Variants in DYNC2I1 observed in about 807,000 individuals in gnomAD.
The protein encoded by DYNC2I1 is dynein 2 intermediate chain 1, also known as cytoplasmic dynein 2 intermediate chain 1.
In DYNC2I1, 89 loss-of-function variants were observed where a neutral mutation model predicts 133.4. The observed-to-expected ratio is 0.67, with a 90% CI of 0.56 to 0.80. The LOEUF (loss-of-function observed/expected upper bound fraction) is 0.80. Among genes scored for constraint, DYNC2I1 ranks in the 30% least tolerant of loss-of-function variants. The pLI is 0.00. For missense variants in DYNC2I1, 1,291 were observed against 1,314.5 expected, an observed-to-expected ratio of 0.98 and a Z score of 0.28; for synonymous variants, 504 against 484.3, an observed-to-expected ratio of 1.04 and a Z score of -0.54.
chr7:158,922,679 C>G, intron 16 of DYNC2I1, 130 bp downstream of exon 16: 1 of 866,070 alleles, frequency 1.2e-6, no homozygotes, highest in Non-Finnish European at 1.7e-6. Context: ...ATGGGCCATT[C>G]TCTGTCTCTC....
intron 14 of DYNC2I1, 89 bp downstream of exon 14, chr7:158,914,410 A>C: frequency 9.9e-7 from 1 of 1,012,002 alleles, no homozygotes; most frequent in Non-Finnish European, 1.4e-6. Flanking sequence ...AAGATCTTAA[A>C]GTCTTTGTAG....
chr7:158,849,167 G>C, the DYNC2I1 span, among the ~76,000 whole-genome samples: 1 of 152,182 alleles, frequency 6.6e-6, no homozygotes, highest in Non-Finnish European at 1.5e-5. Flanking sequence ...AAGGTAAAAT[G>C]GTCTGTGGGT....
chr7:158,949,586 TAGG>T (rs1446456494), downstream of DYNC2I1, among the ~76,000 whole-genome samples: 21 of 151,402 alleles, frequency 1.4e-4, no homozygotes, highest in African/African-American at 4.4e-4. Context: ...GCAGCAAAGG[TAGG>T]AGGGAGGGGC....
chr7:158,869,745 A>G, intron 1 of DYNC2I1, 110 bp from the exon 2 acceptor site: 1 of 754,432 alleles, frequency 1.3e-6, no homozygotes, highest in Non-Finnish European at 2.2e-6. Flanking sequence ...ATTTTCTGGC[A>G]TGTCAAGAAT....
chr7:158,922,575 G>T, intron 16 of DYNC2I1, 26 bp downstream of exon 16: 1 of 1,605,066 alleles, frequency 6.2e-7, no homozygotes, highest in Non-Finnish European at 8.5e-7. Context: ...AGAGTCGCAC[G>T]TTTGATGGGA....
chr7:158,853,662 T>G (rs917804922), upstream of DYNC2I1, among the ~76,000 whole-genome samples: 2 of 151,790 alleles, frequency 1.3e-5, no homozygotes, highest in African/African-American at 2.4e-5. Flanking sequence ...GAGGTTTTTT[T>G]TTTTTTTTTT....
intron 14 of DYNC2I1, among the ~76,000 whole-genome samples, chr7:158,917,051 G>A (rs1345061607): frequency 2.0e-5 from 1 of 49,970 alleles, no homozygotes; most frequent in African/African-American, 9.3e-5. Context: ...GTGAAACGTC[G>A]ACACGCTGGT....
intron 4 of DYNC2I1, 135 bp downstream of exon 4, chr7:158,876,826 G>A: frequency 8.8e-7 from 1 of 1,138,674 alleles, no homozygotes; most frequent in Non-Finnish European, 1.2e-6. Flanking sequence ...CTCCAGCACT[G>A]TGTATAGTCA....
intron 7 of DYNC2I1, 71 bp from the exon 8 acceptor site, chr7:158,891,194 G>A (rs1333044784): frequency 1.3e-6 from 2 of 1,552,382 alleles, no homozygotes; most frequent in Non-Finnish European, 1.8e-6. Context: ...TGGGGTGGGG[G>A]GGAGCTGCGT....
intron 3 of DYNC2I1, among the ~76,000 whole-genome samples, chr7:158,875,870 G>A (rs910880050): frequency 6.6e-6 from 1 of 152,184 alleles, no homozygotes; most frequent in Admixed American, 6.5e-5. Flanking sequence ...ACTAAGCCCT[G>A]CTTCTGCGTG....
At chr7:158,883,198 A>G (rs1844220581) in intron 5 of DYNC2I1, among the ~76,000 whole-genome samples, 1 of 147,852 alleles carries the variant, frequency 6.8e-6, no homozygotes, top group African/African-American at 2.5e-5. Context: ...CACTTTCTCT[A>G]TATGATATTT....
chr7:158,955,711 C>T (rs1397029682), intron 4 of DYNC2I1, among the ~76,000 whole-genome samples: 2 of 152,206 alleles, frequency 1.3e-5, no homozygotes, highest in East Asian at 1.9e-4. Context: ...GGACAGGGCC[C>T]GTGAGTTCCC....
At chr7:158,857,019 G>T (rs370083531) in intron 1 of DYNC2I1, among the ~76,000 whole-genome samples, 1 of 152,082 alleles carries the variant, frequency 6.6e-6, no homozygotes, top group Non-Finnish European at 1.5e-5. Flanking sequence ...GCCGCGGCCC[G>T]TCTCCTCGCG....
chr7:158,907,268 G>A (rs1187168019), intron 11 of DYNC2I1, among the ~76,000 whole-genome samples: 1 of 142,850 alleles, frequency 7.0e-6, no homozygotes, highest in Non-Finnish European at 1.5e-5. Flanking sequence ...TGGCCCCATG[G>A]CCTTCTTTTT....
chr7:158,916,543 G>T lies in DYNC2I1; in HGVS notation c.1792-2197G>T, dbSNP rs2129485697. 3.5e-5 allele frequency among the ~76,000 whole-genome samples: 2 copies of T among 57,082 alleles called. 1 individual carries two copies. The highest frequency in any genetic ancestry group is 7.7e-4 in the East Asian group (2 of 2,600). 37.4% of individuals were successfully genotyped at this position (57,082 alleles called of 152,430 possible). A position where few individuals can be genotyped will look rare whatever the true frequency, so the allele number is the denominator to read the frequency against. The stretch of plus-strand genomic sequence containing the variant: ...CTACACGCTGGTTGACATTAAGGAT[G>T]ATTGTGAAACGTCGACACGCTGGTT... On this transcript the variant is annotated intron_variant, in intron 14 of 24. Transcript: ENST00000407559.
intron 13 of DYNC2I1, among the ~76,000 whole-genome samples, chr7:158,913,713 A>AC (rs1360660642): frequency 6.6e-6 from 1 of 151,800 alleles, no homozygotes; most frequent in African/African-American, 2.4e-5. Context: ...CCTTTGAAAA[A>AC]AAATTTTTTT....
Position 158,921,428 on chromosome 7 carries a change from G to T in DYNC2I1, c.1922-949G>T, listed in dbSNP as rs3763419. Among the ~76,000 whole-genome samples, 16 of 152,076 alleles carry T rather than the reference G, an allele frequency of 1.1e-4. No homozygotes were observed. The East Asian group carries it at 2.9e-3, about 28-fold the overall frequency. On this transcript the variant is annotated intron_variant, in intron 15 of 24. Coordinates refer to ENST00000407559, the MANE Select transcript of DYNC2I1 (RefSeq NM_018051.5). ...ACACGTTCCTAAAAATCGCTACACC[G>T]TGGAAGACTGCCAATAAAAACCACA...
At chr7:158,923,139 A>T (rs752115408) in intron 16 of DYNC2I1, among the ~76,000 whole-genome samples, 4 of 152,150 alleles carry the variant, frequency 2.6e-5, no homozygotes, top group Non-Finnish European at 5.9e-5. Context: ...TTTCCTAGTT[A>T]TGTATTCCCT....
intron 10 of DYNC2I1, chr7:158,905,130 C>CTTTTTTTTT: frequency 2.8e-6 from 1 of 352,040 alleles, no homozygotes. Flanking sequence ...TTGTTCTTGT[C>CTTTTTTTTT]TTTCTTTTTC....
Sources: gnomAD v4.1 joint callset for allele counts (sites outside exome capture counted in the v4.1 genomes callset) on GRCh38, gnomAD v4.1.1 for gene constraint, MANE v1.5 for transcripts, NCBI Gene and HGNC (gene_info 2026-07-23, HGNC 2026-07-21) for gene names.